PI4KA: variants seen among roughly 807,000 people sequenced by gnomAD.
The protein encoded by PI4KA is phosphatidylinositol 4-kinase alpha, also known as PI4-kinase alpha.
Under a neutral mutation model 271.4 loss-of-function variants are expected in PI4KA, and 122 were observed. The observed-to-expected ratio is 0.45, with a 90% CI of 0.39 to 0.52. The LOEUF (loss-of-function observed/expected upper bound fraction) is 0.52. PI4KA is among the 20% of genes least tolerant of loss of function. PI4KA has a pLI of 0.00. For synonymous variants in PI4KA, 1,041 were observed against 1,078.8 expected, an observed-to-expected ratio of 0.96 and a Z score of 0.69; for missense variants, 1,969 against 2,769.1, an observed-to-expected ratio of 0.71 and a Z score of 6.48.
At chr22:20,821,955 GC>G (rs879639808) in intron 4 of PI4KA, among the ~76,000 whole-genome samples, 2 of 152,212 alleles carry the variant, frequency 1.3e-5, no homozygotes, top group Non-Finnish European at 2.9e-5. Context: ...GTTCAGACCT[GC>G]CTGGGCAAAG....
rs1412536205 is a variant in PI4KA at position 20,858,475 on chromosome 22, C to CAGCCTCGGCCTCCCACAG, written c.156+77_156+94dup. 38 of 944,320 alleles carry CAGCCTCGGCCTCCCACAG rather than the reference C, an allele frequency of 4.0e-5. No homozygotes were observed. In the East Asian group the frequency reaches 1.2e-3, roughly 30 times the overall value. The allele number at this position is 944,320 out of a possible 1,614,324, so 58.5% of individuals were successfully genotyped here. On this transcript the variant is annotated intron_variant, in intron 1 of 54. Coordinates refer to ENST00000255882, the MANE Select transcript of PI4KA (RefSeq NM_058004.4). ...CTCCCGCACAGGCTGCCGGCGAGCC[C>CAGCCTCGGCCTCCCACAG]AGCCTCGGCCTCCCACAGACCCTCG...
chr22:20,803,251 G>A lies in PI4KA; in HGVS notation c.1531C>T (p.Leu511=), dbSNP rs1436864110. The change falls in exon 13 of 55, where the codon CTG becomes TTG. Residue 511 remains leucine, a synonymous_variant. Transcript: ENST00000255882. ...HSVTPSLRDF[L]VIPSPVLVKL... ...ACCAGAACTGGGGACGGGATGACCA[G>A]GAAGTCTCGCAAGGACGGTGTCACA... 1 of 1,614,120 alleles carries A rather than the reference G, an allele frequency of 6.2e-7. No homozygotes were observed. Among genetic ancestry groups the A allele is most frequent in the Non-Finnish European group, 8.5e-7 (1 of 1,179,984 alleles).
chr22:20,759,863 C>T (rs1442957537), intron 23 of PI4KA, among the ~76,000 whole-genome samples: 2 of 152,178 alleles, frequency 1.3e-5, no homozygotes, highest in East Asian at 3.9e-4. Flanking sequence ...CCGCACCCAG[C>T]CAATTTTTTT....
intron 2 of PI4KA, among the ~76,000 whole-genome samples, chr22:20,837,299 C>T (rs937963409): frequency 2.6e-5 from 4 of 152,158 alleles, no homozygotes; most frequent in African/African-American, 9.7e-5. Flanking sequence ...ATCCCTTGAG[C>T]CCAGGAGTTC....
At chr22:20,769,703 G>A (rs1325629128) in intron 19 of PI4KA, among the ~76,000 whole-genome samples, 1 of 151,184 alleles carries the variant, frequency 6.6e-6, no homozygotes, top group East Asian at 1.9e-4. Context: ...GGGGGGAAGT[G>A]GGAAGACTGA....
intron 1 of PI4KA, among the ~76,000 whole-genome samples, chr22:20,850,272 C>A (rs1011168663): frequency 5.3e-5 from 8 of 151,618 alleles, no homozygotes; most frequent in African/African-American, 1.9e-4. Flanking sequence ...CACGGTGGCT[C>A]GCCTGTTAAC....
chr22:20,780,320 A>G, intron 19 of PI4KA: 1 of 1,485,320 alleles, frequency 6.7e-7, no homozygotes. Flanking sequence ...ACTAGACACA[A>G]GATTGACTCT....
At chr22:20,838,514 T>G in intron 2 of PI4KA, 101 bp downstream of exon 2, 1 of 727,902 alleles carries the variant, frequency 1.4e-6, no homozygotes, top group East Asian at 2.5e-5. Context: ...TCAAATGTAT[T>G]CTTCTACTAT....
At chr22:20,826,600 G>C (rs1374143453) in intron 3 of PI4KA, among the ~76,000 whole-genome samples, 1 of 152,136 alleles carries the variant, frequency 6.6e-6, no homozygotes, top group African/African-American at 2.4e-5. Context: ...TGGTAATCCT[G>C]TTTTAAATTC....
At chr22:20,804,103 A>T (rs1233384631) in intron 12 of PI4KA, among the ~76,000 whole-genome samples, 197 bp downstream of exon 12, 3 of 152,216 alleles carry the variant, frequency 2.0e-5, no homozygotes, top group Non-Finnish European at 2.9e-5. Flanking sequence ...CACTGACAGA[A>T]AGCCCTGGCA....
intron 43 of PI4KA, among the ~76,000 whole-genome samples, chr22:20,721,010 T>C: frequency 6.6e-6 from 1 of 152,150 alleles, no homozygotes; most frequent in South Asian, 2.1e-4. Flanking sequence ...GCAGTCACAG[T>C]TGTGTTGACC....
rs1930061364 is a variant in PI4KA, at chr22:20,746,103, C to T, written c.3364-1383G>A. Among the ~76,000 whole-genome samples, 8 of 145,314 alleles carry T rather than the reference C, an allele frequency of 5.5e-5. 1 individual carries two copies. In the South Asian group the frequency reaches 1.8e-3, roughly 32 times the overall value. On this transcript the variant is annotated intron_variant, in intron 29 of 54. Coordinates refer to ENST00000255882, the MANE Select transcript of PI4KA (RefSeq NM_058004.4). ...TTTGAGATGGAGTCTTGCTCTGTTG[C>T]CCAGGCTGGAGTGCAGTGGCGGGAT...
intron 28 of PI4KA, among the ~76,000 whole-genome samples, chr22:20,749,326 A>C (rs1370540157): frequency 6.6e-6 from 1 of 152,202 alleles, no homozygotes; most frequent in Non-Finnish European, 1.5e-5. Flanking sequence ...TTCCTTCCAG[A>C]GGTATTTTTC....
chr22:20,720,143 C>A (rs1157525006), intron 43 of PI4KA, among the ~76,000 whole-genome samples: 1 of 151,716 alleles, frequency 6.6e-6, no homozygotes, highest in East Asian at 1.9e-4. Flanking sequence ...GTGCATAACT[C>A]ACTGGCCTAT....
intron 18 of PI4KA, 127 bp from the exon 19 acceptor site, chr22:20,793,370 T>G (rs1218986708): frequency 9.9e-6 from 6 of 606,798 alleles, no homozygotes; most frequent in Admixed American, 2.7e-5. Flanking sequence ...TGATGAGAGA[T>G]ATGCAGAGAG....
chr22:20,786,228 C>G, intron 19 of PI4KA: 1 of 1,482,666 alleles, frequency 6.7e-7, no homozygotes, highest in South Asian at 1.1e-5. Flanking sequence ...CCCTTCCTAC[C>G]CACCCCCCAA....
chr22:20,822,307 A>G (rs1010016252), intron 4 of PI4KA, among the ~76,000 whole-genome samples: 5 of 152,162 alleles, frequency 3.3e-5, no homozygotes, highest in Admixed American at 1.3e-4. Context: ...TCAGCCTCCC[A>G]GAATGTTGGG....
chr22:20,778,182 G>C (rs1933450621), intron 19 of PI4KA, among the ~76,000 whole-genome samples: 1 of 152,126 alleles, frequency 6.6e-6, no homozygotes, highest in Non-Finnish European at 1.5e-5. Flanking sequence ...CTCAGCACTA[G>C]ACAAGTTCCA....
chr22:20,777,745 AT>A (rs1933419763), intron 19 of PI4KA, among the ~76,000 whole-genome samples: 1 of 152,218 alleles, frequency 6.6e-6, no homozygotes, highest in South Asian at 2.1e-4. Flanking sequence ...CTGGCAAAAC[AT>A]GGAATCATCA....
Sources: allele counts gnomAD v4.1 joint callset (sites outside exome capture counted in the v4.1 genomes callset), GRCh38; gene constraint gnomAD v4.1.1; transcripts MANE v1.5; gene names NCBI Gene and HGNC (gene_info 2026-07-23, HGNC 2026-07-21).